The following ITPRID1 variants were observed in gnomAD, a reference collection of about 807,000 sequenced individuals.
ITPRID1 encodes the protein protein ITPRID1.
ITPRID1 carries 96 observed loss-of-function variants against 95.4 expected under a neutral mutation model. The ratio of observed to expected loss-of-function variants is 1.01; its 90% confidence interval spans 0.85 to 1.19. ITPRID1 has a LOEUF of 1.19. ITPRID1 is among the 50% of genes most tolerant of loss of function. ITPRID1 has a pLI of 0.00. For synonymous variants in ITPRID1, 510 were observed against 453.6 expected, an observed-to-expected ratio of 1.12 and a Z score of -1.58; for missense variants, 1,339 against 1,252.9, an observed-to-expected ratio of 1.07 and a Z score of -1.04.
intron 10 of ITPRID1, among the ~76,000 whole-genome samples, chr7:31,626,205 T>C (rs1788454121): frequency 6.6e-6 from 1 of 152,218 alleles, no homozygotes; most frequent in South Asian, 2.1e-4. Context: ...AAAAGCAAAG[T>C]TCTTTAAAAA....
chr7:31,619,499 T>C (rs1442146945), intron 10 of ITPRID1, among the ~76,000 whole-genome samples: 1 of 151,966 alleles, frequency 6.6e-6, no homozygotes, highest in Middle Eastern at 3.2e-3. Context: ...ATCATAGCAT[T>C]TTGATAAGAA....
rs556801450 is a variant in ITPRID1, at chr7:31,540,396, C to G, written c.-97-9030C>G. On this transcript the variant is annotated intron_variant, in intron 1 of 14. Transcript: ENST00000615280. Reference sequence around the variant, plus strand: ...CAGTTCATAGGGCTTCAGGACACAGCTTATTTTGGAAACTTGTAGCCAGAA... The same window carrying G: ...CAGTTCATAGGGCTTCAGGACACAGGTTATTTTGGAAACTTGTAGCCAGAA... 7.9e-5 allele frequency among the ~76,000 whole-genome samples: 12 copies of G among 152,072 alleles called. No individual in the cohort carries two copies. In the South Asian group the frequency reaches 2.5e-3, roughly 32 times the overall value.
intron 10 of ITPRID1, among the ~76,000 whole-genome samples, chr7:31,586,550 T>A (rs1421863690): frequency 6.6e-6 from 1 of 150,936 alleles, no homozygotes; most frequent in East Asian, 1.9e-4. Context: ...TGTGAGATGG[T>A]ATCTCATTGT....
intron 10 of ITPRID1, among the ~76,000 whole-genome samples, chr7:31,620,452 G>A (rs555717074): frequency 5.9e-5 from 9 of 151,618 alleles, no homozygotes; most frequent in South Asian, 2.1e-4. Flanking sequence ...CGAGATTCAC[G>A]AAAAATACCT....
chr7:31,520,502 A>T (rs1428407332), intron 1 of ITPRID1, among the ~76,000 whole-genome samples: 1 of 145,898 alleles, frequency 6.9e-6, no homozygotes, highest in Non-Finnish European at 1.5e-5. Flanking sequence ...TGTCTCTTTG[A>T]CATACCACAT....
intron 12 of ITPRID1, among the ~76,000 whole-genome samples, chr7:31,645,828 G>C (rs572543471): frequency 3.1e-4 from 47 of 152,194 alleles, no homozygotes; most frequent in Middle Eastern, 3.4e-3. Context: ...AAAATACAGA[G>C]AACAGCCACC....
intron 10 of ITPRID1, among the ~76,000 whole-genome samples, chr7:31,586,658 A>T (rs1483599894): frequency 6.6e-6 from 1 of 152,036 alleles, no homozygotes; most frequent in Admixed American, 6.5e-5. Context: ...GTGTCTGTTC[A>T]TGTCCTTCAC....
At chr7:31,558,138 G>T (rs1032471860) in intron 5 of ITPRID1, among the ~76,000 whole-genome samples, 61 of 102,332 alleles carry the variant, frequency 6.0e-4, no homozygotes, top group Non-Finnish European at 1.3e-3. Context: ...TCTCTCTCTT[G>T]TGTGCTTGCT....
chr7:31,572,241 G>A, intron 7 of ITPRID1, 53 bp downstream of exon 7: 1 of 1,150,828 alleles, frequency 8.7e-7, no homozygotes, highest in Admixed American at 2.1e-5. Flanking sequence ...GTGCAACAAT[G>A]GATTTCATGA....
intron 1 of ITPRID1, among the ~76,000 whole-genome samples, chr7:31,545,896 C>T (rs1398241126): frequency 2.0e-5 from 3 of 152,110 alleles, no homozygotes; most frequent in East Asian, 1.9e-4. Flanking sequence ...GGAGGGAGAG[C>T]AGAAGGACAT....
At chr7:31,573,835 G>T (rs1691321463) in intron 7 of ITPRID1, among the ~76,000 whole-genome samples, 1 of 150,034 alleles carries the variant, frequency 6.7e-6, no homozygotes, top group Admixed American at 6.6e-5. Flanking sequence ...AAATAATTTA[G>T]ATATTTATAT....
At chr7:31,598,551 C>T (rs1036562406) in intron 10 of ITPRID1, among the ~76,000 whole-genome samples, 12 of 151,566 alleles carry the variant, frequency 7.9e-5, no homozygotes, top group Non-Finnish European at 1.3e-4. Flanking sequence ...CTACAGGCGC[C>T]CGCTACCACG....
Position 31,652,678 on chromosome 7 carries a change from G to A in ITPRID1, c.2984G>A (p.Cys995Tyr), listed in dbSNP as rs754777037. ...CCCGATGATGGCCAGGAGGCTCCCTGTTCAGGTGGGACCCAGTTGGCTGCC... is the reference window on the plus strand; with the variant it reads ...CCCGATGATGGCCAGGAGGCTCCCTATTCAGGTGGGACCCAGTTGGCTGCC... ...FPPDDGQEAPCSGGTQLAAFT... is the reference protein window; with the variant it reads ...FPPDDGQEAPYSGGTQLAAFT... The change falls in exon 15 of 15, where the codon TGT becomes TAT. Residue 995 changes from cysteine (C) to tyrosine (Y), a missense_variant. Coordinates refer to ENST00000615280, the MANE Select transcript of ITPRID1 (RefSeq NM_001257967.3). 1.4e-5 allele frequency: 22 copies of A among 1,613,802 alleles called. No individual in the cohort carries two copies. The highest frequency in any genetic ancestry group is 2.2e-5 in the South Asian group (2 of 91,082).
At chr7:31,629,278 C>G in intron 10 of ITPRID1, among the ~76,000 whole-genome samples, 1 of 40,772 alleles carries the variant, frequency 2.5e-5, no homozygotes, top group East Asian at 1.1e-3. Context: ...TGTGTTTAAA[C>G]AACACAATCT....
intron 1 of ITPRID1, among the ~76,000 whole-genome samples, chr7:31,519,612 C>CTATA (rs1271078923): frequency 1.3e-4 from 6 of 46,874 alleles, no homozygotes; most frequent in African/African-American, 3.3e-4. Flanking sequence ...CTCTCTCTCT[C>CTATA]TCTCTCTCTA....
At chr7:31,615,733 T>G (rs1243325239) in intron 10 of ITPRID1, among the ~76,000 whole-genome samples, 1 of 147,324 alleles carries the variant, frequency 6.8e-6, no homozygotes, top group Non-Finnish European at 1.5e-5. Context: ...CAGTAGCGTG[T>G]TAGAGTTTAC....
chr7:31,569,550 T>C (rs754711507), intron 5 of ITPRID1, among the ~76,000 whole-genome samples: 1 of 152,222 alleles, frequency 6.6e-6, no homozygotes, highest in African/African-American at 2.4e-5. Flanking sequence ...TCCCTCTCCA[T>C]TGAGCCAGTA....
At chr7:31,572,836 G>A (rs1785039332) in intron 7 of ITPRID1, among the ~76,000 whole-genome samples, 1 of 152,146 alleles carries the variant, frequency 6.6e-6, no homozygotes, top group Non-Finnish European at 1.5e-5. Flanking sequence ...AGAGACTGAA[G>A]CCTTTGGAAA....
chr7:31,516,683 G>T (rs1274731314), intron 1 of ITPRID1, among the ~76,000 whole-genome samples: 1 of 152,100 alleles, frequency 6.6e-6, no homozygotes, highest in African/African-American at 2.4e-5. Flanking sequence ...AACTCAATTA[G>T]AGCCTATGTG....
Sources: allele counts gnomAD v4.1 joint callset (sites outside exome capture counted in the v4.1 genomes callset), GRCh38; gene constraint gnomAD v4.1.1; transcripts MANE v1.5; gene names NCBI Gene and HGNC (gene_info 2026-07-23, HGNC 2026-07-21).